The following ASAH2B variants were observed in gnomAD, a reference collection of about 807,000 sequenced individuals.
ASAH2B encodes N-acylsphingosine amidohydrolase 2B.
Under a neutral mutation model 2.9 loss-of-function variants are expected in ASAH2B, and 1 was observed. The observed-to-expected ratio is 0.34, with a 90% CI of 0.12 to 1.63. The LOEUF (loss-of-function observed/expected upper bound fraction) is 1.63. Ranked by LOEUF, ASAH2B falls within the 40% of genes most tolerant of loss-of-function variation. The pLI is 0.36. For missense variants in ASAH2B, 9 were observed against 37.7 expected, an observed-to-expected ratio of 0.24 and a Z score of 1.99; for synonymous variants, 4 against 13.3, an observed-to-expected ratio of 0.30 and a Z score of 1.52.
intron 1 of ASAH2B, among the ~76,000 whole-genome samples, chr10:50,741,422 A>G (rs1215843665): frequency 2.0e-5 from 3 of 152,218 alleles, no homozygotes; most frequent in Non-Finnish European, 4.4e-5. Flanking sequence ...GAAGACAGAA[A>G]AGAGAACAGA....
chr10:50,754,332 A>C (rs1484220603), intron 5 of ASAH2B, among the ~76,000 whole-genome samples: 1 of 111,838 alleles, frequency 8.9e-6, no homozygotes, highest in African/African-American at 3.7e-5. Flanking sequence ...GAACAAGTAA[A>C]GCTGTTTCTA....
rs1837115847 is a variant in ASAH2B at position 50,757,343 on chromosome 10, G to C, written c.*2603G>C. On this transcript the variant is annotated 3_prime_UTR_variant, in exon 6 of 6. Coordinates refer to ENST00000647317, the MANE Select transcript of ASAH2B (RefSeq NM_001321958.2). ...GCACAAGGGAACCACTTCTTTATCA[G>C]TTCCTTTCTAACTTCTGAAGATGTA... is the stretch of plus-strand genomic sequence containing the variant. 2 of 151,764 alleles carry C rather than the reference G, an allele frequency of 1.3e-5. No homozygotes were observed. Among genetic ancestry groups the C allele is most frequent in the Non-Finnish European group, 3.0e-5 (2 of 67,772 alleles). 9.4% of individuals were successfully genotyped at this position (151,764 alleles called of 1,614,324 possible).
At chr10:50,744,480 A>T (rs1158077024) in intron 2 of ASAH2B, among the ~76,000 whole-genome samples, 2 of 151,734 alleles carry the variant, frequency 1.3e-5, no homozygotes, top group Non-Finnish European at 2.9e-5. Flanking sequence ...AGGAATAAAG[A>T]GCATTAAATA....
chr10:50,745,664 G>A (rs1236059571), intron 3 of ASAH2B, among the ~76,000 whole-genome samples: 1 of 149,524 alleles, frequency 6.7e-6, no homozygotes, highest in Non-Finnish European at 1.5e-5. Context: ...GTTTTTCTGG[G>A]GGGAGGAGGG....
chr10:50,746,667 TTTTGTCTTTTTAAATA>T (rs1282872848), intron 3 of ASAH2B, among the ~76,000 whole-genome samples: 1 of 149,656 alleles, frequency 6.7e-6, no homozygotes, highest in Non-Finnish European at 1.5e-5. Flanking sequence ...AACACTTGTC[TTTTGTCTTTTTAAATA>T]TTATACATTC....
intron 2 of ASAH2B, among the ~76,000 whole-genome samples, chr10:50,743,296 T>C (rs1024410388): frequency 2.0e-5 from 3 of 151,740 alleles, no homozygotes; most frequent in African/African-American, 4.8e-5. Flanking sequence ...TAGGGAGATA[T>C]CATTTCTCCC....
At chr10:50,752,960 G>A (rs1373528585) in intron 5 of ASAH2B, among the ~76,000 whole-genome samples, 6 of 105,076 alleles carry the variant, frequency 5.7e-5, no homozygotes, top group African/African-American at 1.7e-4. Flanking sequence ...TACCTGACAT[G>A]TATTGCATGT....
At chr10:50,740,957 G>A (rs1416541203) in intron 1 of ASAH2B, among the ~76,000 whole-genome samples, 1 of 152,108 alleles carries the variant, frequency 6.6e-6, no homozygotes, top group African/African-American at 2.4e-5. Flanking sequence ...AGAGGTGACA[G>A]GTACTAAAAG....
chr10:50,755,219 A>G lies in ASAH2B; in HGVS notation c.*479A>G, dbSNP rs899081716. On this transcript the variant is annotated 3_prime_UTR_variant, in exon 6 of 6. Coordinates refer to ENST00000647317, the MANE Select transcript of ASAH2B (RefSeq NM_001321958.2). ...ACCCTTCATCTTACATATAAGAAAA[A>G]TGGTCTTTTCTTCTAATCACATTTA... 2 of 98,494 alleles carry G rather than the reference A, an allele frequency of 2.0e-5. No homozygotes were observed. Among genetic ancestry groups the G allele is most frequent in the Non-Finnish European group, 4.6e-5 (2 of 43,920 alleles). The allele number at this position is 98,494 out of a possible 1,614,324, so 6.1% of individuals were successfully genotyped here. A position where few individuals can be genotyped will look rare whatever the true frequency, so the allele number is the denominator to read the frequency against.
chr10:50,741,120 TG>T, intron 1 of ASAH2B, among the ~76,000 whole-genome samples: 1 of 152,364 alleles, frequency 6.6e-6, no homozygotes, highest in East Asian at 1.9e-4. Context: ...AGAGTTAGAA[TG>T]AAATTAATTA....
rs548828285 is a variant in ASAH2B at position 50,744,358 on chromosome 10, G to A, written c.-3-770G>A. The stretch of plus-strand genomic sequence containing the variant: ...ACCTTAAAACTAGCTATGTGATCTT[G>A]AAAAAAACCACTGAATATGTCTAAG... On this transcript the variant is annotated intron_variant, in intron 2 of 5. Transcript: ENST00000647317. Among the ~76,000 whole-genome samples the A allele has an allele frequency of 1.8e-4, 27 of 151,510 alleles. 2 individuals carry two copies. Among genetic ancestry groups the A allele is most frequent in the African/African-American group, 6.3e-4 (26 of 41,004 alleles).
At chr10:50,742,755 A>G (rs1047408586) in intron 1 of ASAH2B, among the ~76,000 whole-genome samples, 160 bp from the exon 2 acceptor site, 7 of 152,176 alleles carry the variant, frequency 4.6e-5, no homozygotes, top group African/African-American at 1.4e-4. Context: ...TGGCCAGTAA[A>G]TGGAAATGCC....
intron 3 of ASAH2B, 72 bp downstream of exon 3, chr10:50,745,346 TGC>T (rs1235253509): frequency 3.4e-6 from 1 of 290,356 alleles, no homozygotes; most frequent in Non-Finnish European, 6.4e-6. Flanking sequence ...TGTCACCATT[TGC>T]CTCTAATCAT....
intron 5 of ASAH2B, among the ~76,000 whole-genome samples, chr10:50,753,349 A>G (rs1839999322): frequency 1.2e-5 from 1 of 86,364 alleles, no homozygotes; most frequent in Non-Finnish European, 2.6e-5. Flanking sequence ...ACCATGGCCC[A>G]TATACAAATA....
In ASAH2B at chr10:50,744,352, G is replaced by T. The variant is rs1384017520; in HGVS notation, c.-3-776G>T. Among the ~76,000 whole-genome samples the T allele has an allele frequency of 2.0e-5, 3 of 151,284 alleles. No individual in the cohort carries two copies. In the East Asian group the frequency reaches 5.8e-4, roughly 29 times the overall value. ...TCAAGCACCTTAAAACTAGCTATGT[G>T]ATCTTGAAAAAAACCACTGAATATG... is the stretch of plus-strand genomic sequence containing the variant. On this transcript the variant is annotated intron_variant, in intron 2 of 5. Transcript: ENST00000647317.
rs1588927801 is a variant in ASAH2B at position 50,742,855 on chromosome 10, C to A, written c.-99-60C>A. 4.5e-6 allele frequency: 7 copies of A among 1,562,866 alleles called. No individual in the cohort carries two copies. In the East Asian group the frequency reaches 1.3e-4, roughly 30 times the overall value. On this transcript the variant is annotated intron_variant, in intron 1 of 5. Transcript: ENST00000647317. ...CATCACACTTACCTAAAATGCTACA[C>A]CTCTGTAAATGGATTTAAATATGCA...
chr10:50,741,587 G>A lies in ASAH2B; in HGVS notation c.-99-1328G>A, dbSNP rs184894740. Among the ~76,000 whole-genome samples, 105 of 152,316 alleles carry A rather than the reference G, an allele frequency of 6.9e-4. 1 individual carries two copies. The highest frequency in any genetic ancestry group is 2.5e-3 in the African/African-American group (104 of 41,552). ...CAAGTGAGAGTTAAGCAAATAAAAA[G>A]TAAGAATGTATCCTATATAGAAGAA... On this transcript the variant is annotated intron_variant, in intron 1 of 5. Coordinates refer to ENST00000647317, the MANE Select transcript of ASAH2B (RefSeq NM_001321958.2).
Position 50,754,669 on chromosome 10 carries a change from G to A in ASAH2B, c.412G>A (p.Asp138Asn). Residue 138 changes from aspartate to asparagine, a missense_variant, in exon 6 of 6, where the codon GAC becomes AAC. By Grantham distance (23) the Asp-to-Asn change is conservative (BLOSUM62 1). Transcript: ENST00000647317. ...IRYFGHNRKQ[D>N]ILKPAVILSF... is the part of the protein sequence containing the mutation. ...ATATTTTGGACACAATCGGAAGCAGGACATTCTGAAGCCTGCTGTCATACT... is the reference window on the plus strand; with the variant it reads ...ATATTTTGGACACAATCGGAAGCAGAACATTCTGAAGCCTGCTGTCATACT... 1 of 390,726 alleles carries A rather than the reference G, an allele frequency of 2.6e-6. No individual in the cohort carries two copies. The allele number at this position is 390,726 out of a possible 1,614,324, so 24.2% of individuals were successfully genotyped here. A position where few individuals can be genotyped will look rare whatever the true frequency, so the allele number is the denominator to read the frequency against.
At chr10:50,744,324 T>C (rs576051188) in intron 2 of ASAH2B, among the ~76,000 whole-genome samples, 7 of 151,682 alleles carry the variant, frequency 4.6e-5, no homozygotes, top group Non-Finnish European at 1.0e-4. Context: ...GACAAATTTC[T>C]GGTCAAGCAC....
Sources: allele counts gnomAD v4.1 joint callset (sites outside exome capture counted in the v4.1 genomes callset), GRCh38; gene constraint gnomAD v4.1.1; transcripts MANE v1.5; gene names NCBI Gene and HGNC (gene_info 2026-07-23, HGNC 2026-07-21).